SPAG16: variants seen among roughly 807,000 people sequenced by gnomAD.
SPAG16 encodes sperm-associated antigen 16 protein.
SPAG16 carries 86 observed loss-of-function variants against 80.4 expected under a neutral mutation model. The ratio of observed to expected loss-of-function variants is 1.07; its 90% confidence interval spans 0.90 to 1.28. SPAG16 has a LOEUF of 1.28. Ranked by LOEUF, SPAG16 falls within the 50% of genes most tolerant of loss-of-function variation. The pLI, the probability that SPAG16 is intolerant of heterozygous loss-of-function variation, is 0.00. For synonymous variants in SPAG16, 294 were observed against 265.9 expected (o/e 1.11, Z -1.03); for missense variants, 870 against 765.3 (o/e 1.14, Z -1.61).
intron 9 of SPAG16, among the ~76,000 whole-genome samples, chr2:213,421,489 C>T (rs1374708483): frequency 1.3e-5 from 2 of 152,166 alleles, no homozygotes; most frequent in African/African-American, 4.8e-5. Flanking sequence ...CAGACAGGCT[C>T]CTGGGCAGAA....
At chr2:213,625,702 TAGAC>T (rs2061938135) in intron 10 of SPAG16, among the ~76,000 whole-genome samples, 2 of 148,254 alleles carry the variant, frequency 1.3e-5, no homozygotes, top group South Asian at 4.5e-4. Flanking sequence ...GTTTTTGTTT[TAGAC>T]AGAGTCTTGC....
chr2:214,005,225 A>G (rs542596314), intron 12 of SPAG16, among the ~76,000 whole-genome samples: 1 of 152,216 alleles, frequency 6.6e-6, no homozygotes, highest in African/African-American at 2.4e-5. Context: ...TCCTGCACCC[A>G]TATTCTTTGC....
intron 13 of SPAG16, among the ~76,000 whole-genome samples, chr2:214,052,237 T>C (rs551406889): frequency 3.3e-5 from 5 of 152,352 alleles, no homozygotes; most frequent in South Asian, 4.1e-4. Flanking sequence ...TTGCAGTTTT[T>C]CCTAAAGTAA....
intron 10 of SPAG16, 63 bp from the exon 11 acceptor site, chr2:213,862,422 T>C: frequency 6.3e-7 from 1 of 1,576,362 alleles, no homozygotes. Context: ...ATTTCATTTA[T>C]TCATATTCTG....
rs553174892 is a variant in SPAG16, at chr2:213,470,797, T to C, written c.943-19166T>C. Among the ~76,000 whole-genome samples, 249 of 152,348 alleles carry C rather than the reference T, an allele frequency of 1.6e-3. 1 individual carries two copies. The highest frequency in any genetic ancestry group is 5.8e-3 in the African/African-American group (242 of 41,588). On this transcript the variant is annotated intron_variant, in intron 9 of 15. Coordinates refer to ENST00000331683, the MANE Select transcript of SPAG16 (RefSeq NM_024532.5). The stretch of plus-strand genomic sequence containing the variant: ...ATCCACTTGATTATTAAAATCCTCC[T>C]GTGCTGAGGTTACCCATAGGTGAGC...
intron 12 of SPAG16, among the ~76,000 whole-genome samples, chr2:214,001,733 T>C (rs2046797345): frequency 6.6e-6 from 1 of 152,100 alleles, no homozygotes; most frequent in East Asian, 1.9e-4. Context: ...CTGTAAAAAA[T>C]CTGTGTAAAT....
intron 10 of SPAG16, among the ~76,000 whole-genome samples, chr2:213,555,079 C>T (rs1340739551): frequency 6.6e-6 from 1 of 151,426 alleles, no homozygotes; most frequent in African/African-American, 2.4e-5. Context: ...AAGAGGGGAC[C>T]CCAAAAGCAC....
At chr2:213,904,642 G>A (rs949726772) in intron 11 of SPAG16, among the ~76,000 whole-genome samples, 13 of 149,642 alleles carry the variant, frequency 8.7e-5, no homozygotes, top group Non-Finnish European at 1.9e-4. Flanking sequence ...AAAGGGCATA[G>A]TGTTAGGGAT....
intron 10 of SPAG16, among the ~76,000 whole-genome samples, chr2:213,848,308 G>T (rs770925527): frequency 3.9e-5 from 6 of 152,178 alleles, no homozygotes; most frequent in Non-Finnish European, 7.3e-5. Flanking sequence ...GAAGAAAAAA[G>T]ATGTCAGCAG....
chr2:214,390,732 G>T (rs1250662636), intron 15 of SPAG16, among the ~76,000 whole-genome samples: 2 of 152,056 alleles, frequency 1.3e-5, no homozygotes, highest in Non-Finnish European at 2.9e-5. Flanking sequence ...AAGTCCAACT[G>T]GATGGAATAT....
At chr2:213,865,906 A>G (rs2075662609) in intron 11 of SPAG16, among the ~76,000 whole-genome samples, 1 of 147,410 alleles carries the variant, frequency 6.8e-6, no homozygotes, top group African/African-American at 2.5e-5. Flanking sequence ...ATAGTACTAT[A>G]TACACAGAAA....
intron 15 of SPAG16, among the ~76,000 whole-genome samples, chr2:214,248,870 C>T (rs1205515731): frequency 6.6e-6 from 1 of 152,032 alleles, no homozygotes; most frequent in Non-Finnish European, 1.5e-5. Context: ...TATAGAAAAA[C>T]TGGAACGATC....
chr2:214,015,202 T>C (rs984661144), intron 13 of SPAG16, among the ~76,000 whole-genome samples: 4 of 152,166 alleles, frequency 2.6e-5, no homozygotes, highest in African/African-American at 9.6e-5. Context: ...ACATGTTCCA[T>C]GGACTGGCCA....
chr2:214,264,824 T>C (rs894785647), intron 15 of SPAG16, among the ~76,000 whole-genome samples: 2 of 152,142 alleles, frequency 1.3e-5, no homozygotes, highest in Non-Finnish European at 1.5e-5. Context: ...AAATTCTTTT[T>C]ACTGTCTCTA....
At chr2:214,081,894 G>C (rs2051414402) in intron 13 of SPAG16, among the ~76,000 whole-genome samples, 1 of 151,786 alleles carries the variant, frequency 6.6e-6, no homozygotes, top group African/African-American at 2.4e-5. Context: ...TTCAGGGAAA[G>C]AGGGTGGGGC....
At chr2:213,854,836 A>G (rs2075075775) in intron 10 of SPAG16, among the ~76,000 whole-genome samples, 1 of 152,252 alleles carries the variant, frequency 6.6e-6, no homozygotes, top group African/African-American at 2.4e-5. Flanking sequence ...ATGTTTAGGG[A>G]TCAGCAAACT....
intron 15 of SPAG16, among the ~76,000 whole-genome samples, chr2:214,302,956 T>C (rs1252047542): frequency 6.6e-6 from 1 of 151,602 alleles, no homozygotes; most frequent in Non-Finnish European, 1.5e-5. Context: ...TGTTCACTTT[T>C]GTTTTTCTTT....
At chr2:213,884,848 G>T (rs2076492121) in intron 11 of SPAG16, among the ~76,000 whole-genome samples, 1 of 152,104 alleles carries the variant, frequency 6.6e-6, no homozygotes, top group Non-Finnish European at 1.5e-5. Context: ...AGTTCAGTTT[G>T]GTTATTTCTT....
chr2:213,669,360 G>A (rs2063732179), intron 10 of SPAG16, among the ~76,000 whole-genome samples: 1 of 151,936 alleles, frequency 6.6e-6, no homozygotes, highest in Non-Finnish European at 1.5e-5. Context: ...CTGTTTTTTT[G>A]GCTATAGTAT....
Sources: allele counts gnomAD v4.1 joint callset (sites outside exome capture counted in the v4.1 genomes callset), GRCh38; gene constraint gnomAD v4.1.1; transcripts MANE v1.5; gene names NCBI Gene and HGNC (gene_info 2026-07-23, HGNC 2026-07-21).